The following BTBD9 variants were observed in gnomAD, a reference collection of about 807,000 sequenced individuals.
BTBD9 encodes BTB/POZ domain-containing protein 9.
BTBD9 carries 49 observed loss-of-function variants against 64.3 expected under a neutral mutation model. The ratio of observed to expected loss-of-function variants is 0.76; its 90% CI spans 0.61 to 0.97. The LOEUF (loss-of-function observed/expected upper bound fraction) is 0.97, where lower values mean the gene tolerates loss of function less well. BTBD9 is among the 50% of genes least tolerant of loss of function. The pLI is 0.00. For missense variants in BTBD9, 598 were observed against 762.1 expected (o/e 0.78, Z 2.53); for synonymous variants, 260 against 274.7 (o/e 0.95, Z 0.53).
chr6:38,537,899 C>G (rs1007393345), intron 6 of BTBD9, among the ~76,000 whole-genome samples: 5 of 152,168 alleles, frequency 3.3e-5, no homozygotes, highest in South Asian at 2.1e-4. Flanking sequence ...CTGCTATCAC[C>G]AAGTCCACCA....
At chr6:38,202,698 A>G (rs1762508278) in intron 9 of BTBD9, among the ~76,000 whole-genome samples, 1 of 152,200 alleles carries the variant, frequency 6.6e-6, no homozygotes. Context: ...TGCTGGGAAA[A>G]TTGGATATCC....
chr6:38,300,390 G>A (rs201247386), intron 7 of BTBD9, among the ~76,000 whole-genome samples: 1 of 151,938 alleles, frequency 6.6e-6, no homozygotes, highest in Non-Finnish European at 1.5e-5. Context: ...TTCCAATTCT[G>A]TGAAGAAAGT....
intron 6 of BTBD9, among the ~76,000 whole-genome samples, chr6:38,378,333 T>C (rs960478669): frequency 1.3e-4 from 19 of 149,782 alleles, no homozygotes; most frequent in African/African-American, 4.7e-4. Context: ...AACCTCCACC[T>C]CCTAGGTTTA....
At chr6:38,262,937 G>A (rs1177832216) in intron 8 of BTBD9, among the ~76,000 whole-genome samples, 6 of 152,172 alleles carry the variant, frequency 3.9e-5, no homozygotes, top group Non-Finnish European at 8.8e-5. Flanking sequence ...AGAAGCAAGG[G>A]CCTGTTTTGC....
intron 1 of BTBD9, among the ~76,000 whole-genome samples, chr6:38,627,049 G>A (rs1302121795): frequency 6.6e-6 from 1 of 152,192 alleles, no homozygotes; most frequent in African/African-American, 2.4e-5. Context: ...AGTAAAGAGA[G>A]CAAAGAAATC....
Position 38,590,512 on chromosome 6 carries a change from G to A in BTBD9, c.814+2064C>T, listed in dbSNP as rs576107613. Among the ~76,000 whole-genome samples the A allele has an allele frequency of 2.0e-5, 3 of 152,280 alleles. No homozygotes were observed. The South Asian group carries it at 6.2e-4, about 32-fold the overall frequency. On this transcript the variant is annotated intron_variant, in intron 4 of 10. Transcript: ENST00000481247. ...ACCTGATAAGTCAGGAGAGAATTCT[G>A]TTAAGAACATCTATTTAAGATCAAT... is the stretch of plus-strand genomic sequence containing the variant.
rs1323733712 is a variant in BTBD9 at position 38,172,551 on chromosome 6, T to C, written c.*2434A>G. ...CAGCCTGGGAAAGGAGGTGAACCCG[T>C]GTCCTTTTGGAGTCCAGGGCAGGCT... On this transcript the variant is annotated 3_prime_UTR_variant, in exon 11 of 11. Transcript: ENST00000481247. 1 of 152,288 alleles carries C rather than the reference T, an allele frequency of 6.6e-6. No homozygotes were observed. Among genetic ancestry groups the C allele is most frequent in the Non-Finnish European group, 1.5e-5 (1 of 68,062 alleles). The allele number at this position is 152,288 out of a possible 1,614,324, so 9.4% of individuals were successfully genotyped here.
rs563374031 is a variant in BTBD9 at position 38,474,542 on chromosome 6, G to A, written c.1154+103058C>T. ...TGTCTCAAGAAAGAAAAAACAGAACGGAAAAGAAAAGAAGAGAAGAGAAGA... is the reference window on the plus strand; with the variant it reads ...TGTCTCAAGAAAGAAAAAACAGAACAGAAAAGAAAAGAAGAGAAGAGAAGA... On this transcript the variant is annotated intron_variant, in intron 6 of 10. Transcript: ENST00000481247. 4.0e-5 allele frequency among the ~76,000 whole-genome samples: 6 copies of A among 150,922 alleles called. No individual in the cohort carries two copies. In the East Asian group the frequency reaches 1.0e-3, roughly 25 times the overall value.
At chr6:38,501,862 C>G (rs1402599661) in intron 6 of BTBD9, among the ~76,000 whole-genome samples, 2 of 152,084 alleles carry the variant, frequency 1.3e-5, no homozygotes, top group Non-Finnish European at 2.9e-5. Flanking sequence ...TATTTTTCAT[C>G]AAAAATGATA....
intron 6 of BTBD9, among the ~76,000 whole-genome samples, chr6:38,543,223 C>T (rs752493353): frequency 1.4e-5 from 2 of 146,142 alleles, no homozygotes; most frequent in African/African-American, 5.1e-5. Context: ...AAAAGGTCTC[C>T]TCTGACCACA....
intron 6 of BTBD9, among the ~76,000 whole-genome samples, chr6:38,406,212 C>T (rs560353501): frequency 6.6e-6 from 1 of 152,174 alleles, no homozygotes; most frequent in African/African-American, 2.4e-5. Context: ...GGCTCCTACA[C>T]AAATCTAACA....
At chr6:38,596,509 G>C (rs917402870) in intron 2 of BTBD9, among the ~76,000 whole-genome samples, 4 of 152,132 alleles carry the variant, frequency 2.6e-5, no homozygotes, top group African/African-American at 7.2e-5. Flanking sequence ...TTAATAAAAA[G>C]TGGGCTCTTG....
intron 7 of BTBD9, among the ~76,000 whole-genome samples, chr6:38,315,429 C>A (rs1486705052): frequency 2.0e-5 from 3 of 151,314 alleles, no homozygotes; most frequent in Admixed American, 1.3e-4. Context: ...CAGCTATAAA[C>A]TTCTCTTTTA....
chr6:38,372,458 C>T (rs1765465077), intron 6 of BTBD9, among the ~76,000 whole-genome samples: 1 of 151,966 alleles, frequency 6.6e-6, no homozygotes, highest in African/African-American at 2.4e-5. Flanking sequence ...AACAGTGCTA[C>T]AGCAACTAAA....
intron 6 of BTBD9, among the ~76,000 whole-genome samples, chr6:38,540,733 G>A (rs17542411): frequency 0.11 from 16,955 of 152,206 alleles, 1,130 homozygotes; most frequent in Non-Finnish European, 0.14. Flanking sequence ...GAAAACACTG[G>A]TATCCCTGGA....
At chr6:38,439,156 T>C (rs549597665) in intron 6 of BTBD9, among the ~76,000 whole-genome samples, 91 of 148,754 alleles carry the variant, frequency 6.1e-4, no homozygotes, top group African/African-American at 2.0e-3. Context: ...GTTTTGCTTT[T>C]GTCACCCAGG....
At chr6:38,451,492 CA>C (rs1299083514) in intron 6 of BTBD9, among the ~76,000 whole-genome samples, 10 of 152,136 alleles carry the variant, frequency 6.6e-5, no homozygotes, top group Non-Finnish European at 1.5e-4. Flanking sequence ...TTGTCTCAGA[CA>C]GTACCCATTG....
intron 6 of BTBD9, among the ~76,000 whole-genome samples, chr6:38,463,852 C>T (rs781093945): frequency 1.4e-4 from 22 of 152,044 alleles, no homozygotes; most frequent in East Asian, 7.7e-4. Flanking sequence ...GCCAACATGG[C>T]GAAATCCCAT....
At chr6:38,321,854 C>T (rs750992508) in intron 7 of BTBD9, among the ~76,000 whole-genome samples, 30 of 151,336 alleles carry the variant, frequency 2.0e-4, no homozygotes, top group Non-Finnish European at 3.1e-4. Context: ...AAACTACACA[C>T]CACACATATT....
Sources: gnomAD v4.1 joint callset for allele counts (sites outside exome capture counted in the v4.1 genomes callset) on GRCh38, gnomAD v4.1.1 for gene constraint, MANE v1.5 for transcripts, NCBI Gene and HGNC (gene_info 2026-07-23, HGNC 2026-07-21) for gene names.